Variants in SFT2D1 observed in about 807,000 individuals in gnomAD.
SFT2D1 encodes the protein vesicle transport protein SFT2A.
A neutral mutation model predicts 28.1 loss-of-function variants in SFT2D1; 24 were observed. The observed-to-expected ratio is 0.85, with a 90% confidence interval of 0.62 to 1.20. The LOEUF (loss-of-function observed/expected upper bound fraction) is 1.20, where lower values mean the gene tolerates loss of function less well. Among genes scored for constraint, SFT2D1 ranks in the 50% most tolerant of loss-of-function variants. The pLI, the probability that SFT2D1 is intolerant of heterozygous loss-of-function variation, is 0.00. For missense variants in SFT2D1, 181 were observed against 190.9 expected, an observed-to-expected ratio of 0.95 and a Z score of 0.31; for synonymous variants, 82 against 73.7, an observed-to-expected ratio of 1.11 and a Z score of -0.58.
In SFT2D1 at chr6:166,322,837, C is replaced by T; in HGVS notation, c.440+20G>A. 1.3e-6 allele frequency: 2 copies of T among 1,599,884 alleles called. No homozygotes were observed. The highest frequency in any genetic ancestry group is 2.2e-5 in the South Asian group (2 of 90,146). On this transcript the variant is annotated intron_variant, in intron 7 of 7. Coordinates refer to ENST00000361731, the MANE Select transcript of SFT2D1 (RefSeq NM_145169.3). ...GATAAGTAAAGAACCAGAAAGAAGA[C>T]AAGATTCAAACAAGCTTACCTTGCA...
chr6:166,329,504 T>C lies in SFT2D1; in HGVS notation c.233+3A>G, dbSNP rs749928669. 6.2e-7 allele frequency: 1 copy of C among 1,604,912 alleles called. No homozygotes were observed. Among genetic ancestry groups the C allele is most frequent in the Admixed American group, 1.7e-5 (1 of 59,150 alleles). ...ACAAGATATTTTGAGAAGCCAAACGTACCTGGCTAACGCAGCAAGATTGCC... is the reference window on the plus strand; with the variant it reads ...ACAAGATATTTTGAGAAGCCAAACGCACCTGGCTAACGCAGCAAGATTGCC... On this transcript the variant is annotated splice_donor_region_variant and intron_variant, in intron 3 of 7. Transcript: ENST00000361731.
At chr6:166,327,258 A>G (rs1778462623) in intron 4 of SFT2D1, among the ~76,000 whole-genome samples, 1 of 152,178 alleles carries the variant, frequency 6.6e-6, no homozygotes, top group Non-Finnish European at 1.5e-5. Context: ...AGAGACACAG[A>G]CCAGGTGAGT....
intron 1 of SFT2D1, among the ~76,000 whole-genome samples, chr6:166,336,579 G>A (rs1225774606): frequency 1.3e-5 from 2 of 152,158 alleles, no homozygotes; most frequent in Admixed American, 1.3e-4. Context: ...GGCGTCTGGT[G>A]AGGCATCTCT....
At chr6:166,336,500 T>C (rs886976892) in intron 1 of SFT2D1, among the ~76,000 whole-genome samples, 3 of 152,198 alleles carry the variant, frequency 2.0e-5, no homozygotes, top group African/African-American at 7.2e-5. Flanking sequence ...GGGTAGCTTA[T>C]AAACAACAGA....
At chr6:166,338,657 C>A (rs112371369) in intron 1 of SFT2D1, among the ~76,000 whole-genome samples, 38 of 151,650 alleles carry the variant, frequency 2.5e-4, no homozygotes, top group African/African-American at 3.9e-4. Context: ...GAGGGCAGGG[C>A]AAGGCAAGCA....
intron 4 of SFT2D1, among the ~76,000 whole-genome samples, chr6:166,326,785 G>A (rs373469538): frequency 2.0e-5 from 3 of 152,194 alleles, no homozygotes; most frequent in East Asian, 3.8e-4. Flanking sequence ...ATGTTCAAAC[G>A]TTCCCACGTT....
chr6:166,325,555 C>A (rs1318942983), intron 5 of SFT2D1, among the ~76,000 whole-genome samples: 1 of 152,200 alleles, frequency 6.6e-6, no homozygotes, highest in African/African-American at 2.4e-5. Context: ...TCTGTGTTTT[C>A]TGGCCCTCTC....
intron 4 of SFT2D1, among the ~76,000 whole-genome samples, chr6:166,327,828 T>G (rs1388202693): frequency 6.6e-6 from 1 of 152,184 alleles, no homozygotes; most frequent in East Asian, 1.9e-4. Context: ...TAGATGGAGC[T>G]TCACTCTTGT....
intron 7 of SFT2D1, 26 bp from the exon 8 acceptor site, chr6:166,320,282 C>T: frequency 6.2e-7 from 1 of 1,600,452 alleles, no homozygotes; most frequent in Non-Finnish European, 8.5e-7. Context: ...GGGAAAAAAA[C>T]AGAATATAAT....
chr6:166,336,184 A>G (rs1227733258), intron 1 of SFT2D1, among the ~76,000 whole-genome samples: 2 of 152,142 alleles, frequency 1.3e-5, no homozygotes, highest in Non-Finnish European at 2.9e-5. Flanking sequence ...CTTCAGGGTG[A>G]TGCCAGGTTC....
intron 3 of SFT2D1, 138 bp downstream of exon 3, chr6:166,329,365 ATATT>A: frequency 1.5e-6 from 1 of 647,794 alleles, no homozygotes. Context: ...CAGTCAATAC[ATATT>A]TATTTAATGA....
chr6:166,320,392 T>C (rs932690897), intron 7 of SFT2D1, 136 bp from the exon 8 acceptor site: 10 of 657,554 alleles, frequency 1.5e-5, no homozygotes, highest in Non-Finnish European at 2.0e-5. Flanking sequence ...AATAAAAACT[T>C]TGTTCAGTAT....
rs777859550 is a variant in SFT2D1 at position 166,329,536 on chromosome 6, A to G, written c.204T>C (p.Tyr68=). ...PGGIKLFAVF[Y]TLGNLAALAS... ...CTAACGCAGCAAGATTGCCGAGGGT[A>G]TAAAACACTGCAAAAAGCTTTATGC... Residue 68 remains tyrosine, a synonymous_variant, in exon 3 of 8, where the codon TAT becomes TAC. Coordinates refer to ENST00000361731, the MANE Select transcript of SFT2D1 (RefSeq NM_145169.3). 24 of 1,611,618 alleles carry G rather than the reference A, an allele frequency of 1.5e-5. No homozygotes were observed. The highest frequency in any genetic ancestry group is 2.0e-5 in the Non-Finnish European group (24 of 1,178,174).
Position 166,330,213 on chromosome 6 carries a change from C to T in SFT2D1, c.98G>A (p.Arg33Lys). Reference protein sequence around the residue: ...LDASSLSFNTRLKWFAICFVC... With the variant: ...LDASSLSFNTKLKWFAICFVC... ...GAAGCAGATGGCAAACCATTTCAAT[C>T]TGGTGTTGAAACTAAGGGATGAGGC... Residue 33 changes from arginine to lysine, a missense_variant, in exon 2 of 8, where the codon AGA (arginine) becomes AAA (lysine). Coordinates refer to ENST00000361731, the MANE Select transcript of SFT2D1 (RefSeq NM_145169.3). 1 of 1,607,302 alleles carries T rather than the reference C, an allele frequency of 6.2e-7. No homozygotes were observed. The highest frequency in any genetic ancestry group is 8.5e-7 in the Non-Finnish European group (1 of 1,177,852).
chr6:166,321,687 C>T lies in SFT2D1; in HGVS notation c.440+1170G>A, dbSNP rs186102300. 5.2e-4 allele frequency among the ~76,000 whole-genome samples: 79 copies of T among 152,332 alleles called. 3 individuals carry two copies. The highest frequency in any genetic ancestry group is 4.7e-3 in the Admixed American group (72 of 15,308). On this transcript the variant is annotated intron_variant, in intron 7 of 7. Coordinates refer to ENST00000361731, the MANE Select transcript of SFT2D1 (RefSeq NM_145169.3). ...ATAACATATCTTTGAATTTCACAAA[C>T]AGGCAAAGCTGTGCCTCACCAGAAT...
At chr6:166,335,154 A>G in intron 1 of SFT2D1, 1 of 614,218 alleles carries the variant, frequency 1.6e-6, no homozygotes, top group Non-Finnish European at 3.1e-6. Flanking sequence ...CCAGCCAAAG[A>G]GGTCGAAGTG....
chr6:166,325,480 G>T (rs1477981364), intron 5 of SFT2D1, among the ~76,000 whole-genome samples: 1 of 152,220 alleles, frequency 6.6e-6, no homozygotes, highest in African/African-American at 2.4e-5. Context: ...AAAGGCTAAT[G>T]AACAGCTGTT....
At chr6:166,341,338 A>C (rs887749568) in intron 1 of SFT2D1, among the ~76,000 whole-genome samples, 11 of 151,564 alleles carry the variant, frequency 7.3e-5, no homozygotes, top group African/African-American at 2.4e-4. Context: ...AATCCCAGCT[A>C]CTCAGGAGGC....
At chr6:166,340,191 T>C (rs1352858743) in intron 1 of SFT2D1, among the ~76,000 whole-genome samples, 1 of 152,234 alleles carries the variant, frequency 6.6e-6, no homozygotes, top group Non-Finnish European at 1.5e-5. Flanking sequence ...TTAAACCACT[T>C]CTATCACTGA....
Sources: gnomAD v4.1 joint callset for allele counts (sites outside exome capture counted in the v4.1 genomes callset) on GRCh38, gnomAD v4.1.1 for gene constraint, MANE v1.5 for transcripts, NCBI Gene and HGNC (gene_info 2026-07-23, HGNC 2026-07-21) for gene names.